SLCO4C1: variants seen among roughly 807,000 people sequenced by gnomAD.
The protein encoded by SLCO4C1 is organic anion transporter M1.
Under a neutral mutation model 72.1 loss-of-function variants are expected in SLCO4C1, and 58 were observed. The ratio of observed to expected loss-of-function variants is 0.80; its 90% confidence interval spans 0.65 to 1.00. SLCO4C1 has a LOEUF of 1.00. SLCO4C1 is among the 50% of genes least tolerant of loss of function. The probability of loss-of-function intolerance (pLI) is 0.00; values close to 1 mark genes in which losing one functional copy is unlikely to be tolerated. For synonymous variants in SLCO4C1, 297 were observed against 312.5 expected (o/e 0.95, Z 0.52); for missense variants, 898 against 857.9 (o/e 1.05, Z -0.58).
rs150042401 is a variant in SLCO4C1, at chr5:102,248,517, T to C, written c.1621-1075A>G. Among the ~76,000 whole-genome samples the C allele has an allele frequency of 6.6e-5, 10 of 152,250 alleles. No homozygotes were observed. In the East Asian group the frequency reaches 1.7e-3, roughly 26 times the overall value. ...TTTTAAGTATGCTCTGGGTATTAGA[T>C]TTTCTGTGTTGTTCCCTTGTGCAGG... On this transcript the variant is annotated intron_variant, in intron 9 of 12. Coordinates refer to ENST00000310954, the MANE Select transcript of SLCO4C1 (RefSeq NM_180991.5).
chr5:102,284,618 T>C (rs1749415285), intron 2 of SLCO4C1, among the ~76,000 whole-genome samples: 1 of 144,824 alleles, frequency 6.9e-6, no homozygotes, highest in East Asian at 2.0e-4. Flanking sequence ...TAAAGACAAC[T>C]GCTTAGCGTT....
intron 3 of SLCO4C1, among the ~76,000 whole-genome samples, chr5:102,265,029 C>T (rs144244749): frequency 1.8e-3 from 266 of 151,846 alleles, no homozygotes; most frequent in African/African-American, 4.8e-3. Flanking sequence ...CATCTGTTGA[C>T]GAATATTTAG....
rs150786994 is a variant in SLCO4C1, at chr5:102,242,338, C to A, written c.1812-1556G>T. Among the ~76,000 whole-genome samples the A allele has an allele frequency of 4.6e-5, 7 of 152,294 alleles. No individual in the cohort carries two copies. The South Asian group carries it at 1.4e-3, about 32-fold the overall frequency. On this transcript the variant is annotated intron_variant, in intron 10 of 12. Transcript: ENST00000310954. ...TCAAAGACAGTGGACTGGAGGCACA[C>A]GTGACATACTGAGACAACAGCTGGG...
At chr5:102,265,411 T>G (rs1749018689) in intron 3 of SLCO4C1, among the ~76,000 whole-genome samples, 1 of 152,162 alleles carries the variant, frequency 6.6e-6, no homozygotes, top group Non-Finnish European at 1.5e-5. Flanking sequence ...TGTACTAAAG[T>G]GTTTCCCCTA....
intron 3 of SLCO4C1, among the ~76,000 whole-genome samples, chr5:102,269,624 C>T (rs1252525147): frequency 2.0e-5 from 3 of 152,052 alleles, no homozygotes; most frequent in African/African-American, 7.2e-5. Context: ...TCTGAGTTCC[C>T]TTGATATCGT....
At chr5:102,249,602 T>C (rs1748698709) in intron 9 of SLCO4C1, 36 bp downstream of exon 9, 1 of 1,610,242 alleles carries the variant, frequency 6.2e-7, no homozygotes, top group East Asian at 2.2e-5. Flanking sequence ...ACAAACATAT[T>C]GCCTCATTAA....
chr5:102,292,297 A>G (rs900493257), intron 1 of SLCO4C1, among the ~76,000 whole-genome samples: 1 of 152,168 alleles, frequency 6.6e-6, no homozygotes, highest in African/African-American at 2.4e-5. Context: ...GTATTAATAT[A>G]TCATACTCCC....
intron 9 of SLCO4C1, among the ~76,000 whole-genome samples, chr5:102,249,197 T>C (rs114641121): frequency 0.012 from 1,758 of 152,178 alleles, 16 homozygotes; most frequent in Non-Finnish European, 0.019. Context: ...ATTTTTTTTT[T>C]CAGCTAAACA....
chr5:102,283,280 C>T (rs1186600372), intron 2 of SLCO4C1, among the ~76,000 whole-genome samples: 1 of 151,812 alleles, frequency 6.6e-6, no homozygotes, highest in Non-Finnish European at 1.5e-5. Context: ...CATATGTATA[C>T]TCTTCTATGT....
chr5:102,258,379 G>A (rs1269258998), intron 6 of SLCO4C1, among the ~76,000 whole-genome samples: 2 of 152,084 alleles, frequency 1.3e-5, no homozygotes, highest in Non-Finnish European at 2.9e-5. Context: ...TCTTGGAAAA[G>A]TTCCCTTCCC....
At chr5:102,242,287 G>C (rs1026303591) in intron 10 of SLCO4C1, among the ~76,000 whole-genome samples, 3 of 152,178 alleles carry the variant, frequency 2.0e-5, no homozygotes, top group Non-Finnish European at 4.4e-5. Context: ...TGCAACTCTT[G>C]GGCAAGTCTT....
intron 10 of SLCO4C1, among the ~76,000 whole-genome samples, chr5:102,241,504 A>G (rs755200590): frequency 1.3e-5 from 2 of 152,144 alleles, no homozygotes; most frequent in Admixed American, 1.3e-4. Context: ...TTACAATAGC[A>G]TTGAAAAAAA....
At chr5:102,280,661 C>T (rs879271592) in intron 2 of SLCO4C1, among the ~76,000 whole-genome samples, 3 of 152,114 alleles carry the variant, frequency 2.0e-5, no homozygotes, top group Non-Finnish European at 4.4e-5. Context: ...CTTACAATCA[C>T]GGCTGAAGGG....
intron 5 of SLCO4C1, 98 bp downstream of exon 5, chr5:102,261,814 A>C: frequency 2.2e-5 from 28 of 1,249,400 alleles, no homozygotes; most frequent in Non-Finnish European, 2.9e-5. Context: ...TCTATAAAAG[A>C]AACAGGGTGA....
In SLCO4C1 at chr5:102,249,529, G is replaced by A. The variant is rs1389038916; in HGVS notation, c.1620+109C>T. ...AGACATCATGGGCTGCTTAACGGAG[G>A]CAATGGAGCAGGAAGGCAAGAATAG... On this transcript the variant is annotated intron_variant, in intron 9 of 12. Coordinates refer to ENST00000310954, the MANE Select transcript of SLCO4C1 (RefSeq NM_180991.5). 19 of 1,084,056 alleles carry A rather than the reference G, an allele frequency of 1.8e-5. No individual in the cohort carries two copies. The Admixed American group carries it at 4.4e-4, about 25-fold the overall frequency. 67.2% of individuals were successfully genotyped at this position (1,084,056 alleles called of 1,614,324 possible).
At chr5:102,273,748 T>C (rs1749195812) in intron 2 of SLCO4C1, among the ~76,000 whole-genome samples, 2 of 152,202 alleles carry the variant, frequency 1.3e-5, no homozygotes, top group South Asian at 4.1e-4. Context: ...AGAGATGCCA[T>C]GTGTACCTTA....
intron 10 of SLCO4C1, among the ~76,000 whole-genome samples, chr5:102,244,886 C>T (rs538721172): frequency 6.6e-6 from 1 of 152,168 alleles, no homozygotes; most frequent in East Asian, 1.9e-4. Context: ...ATAAGAAATG[C>T]TAAAGGGTGT....
At chr5:102,279,292 C>T (rs1434955895) in intron 2 of SLCO4C1, among the ~76,000 whole-genome samples, 9 of 151,880 alleles carry the variant, frequency 5.9e-5, no homozygotes, top group African/African-American at 1.9e-4. Flanking sequence ...TCACCCAAAA[C>T]GAAGTATAAG....
intron 2 of SLCO4C1, among the ~76,000 whole-genome samples, chr5:102,280,680 T>C (rs1749337980): frequency 6.6e-6 from 1 of 152,070 alleles, no homozygotes; most frequent in African/African-American, 2.4e-5. Context: ...GGGAAGCAGG[T>C]ACATCTTACA....
Sources: gnomAD v4.1 joint callset for allele counts (sites outside exome capture counted in the v4.1 genomes callset) on GRCh38, gnomAD v4.1.1 for gene constraint, MANE v1.5 for transcripts, NCBI Gene and HGNC (gene_info 2026-07-23, HGNC 2026-07-21) for gene names.